KIF13A: variants seen among roughly 807,000 people sequenced by gnomAD.
KIF13A encodes the protein kinesin family member 13A, also known as kinesin-like protein KIF13A.
KIF13A carries 79 observed loss-of-function variants against 212.2 expected under a neutral mutation model. The observed-to-expected ratio is 0.37, with a 90% CI of 0.31 to 0.45. The LOEUF (loss-of-function observed/expected upper bound fraction) is 0.45. Ranked by LOEUF, KIF13A falls within the 20% of genes least tolerant of loss-of-function variation. KIF13A has a pLI of 1.00. For synonymous variants in KIF13A, 789 were observed against 808.6 expected (o/e 0.98, Z 0.41); for missense variants, 1,901 against 2,209.0 (o/e 0.86, Z 2.79).
intron 18 of KIF13A, among the ~76,000 whole-genome samples, chr6:17,806,821 G>A (rs1401606735): frequency 6.6e-6 from 1 of 152,202 alleles, no homozygotes; most frequent in Non-Finnish European, 1.5e-5. Flanking sequence ...GGAGGTTGTA[G>A]TGAGCCAAGA....
Position 17,786,323 on chromosome 6 carries a change from G to C in KIF13A, c.3362-682C>G, listed in dbSNP as rs1761050835. Among the ~76,000 whole-genome samples, 1 of 152,152 alleles carries C rather than the reference G, an allele frequency of 6.6e-6. No individual in the cohort carries two copies. Among genetic ancestry groups the C allele is most frequent in the African/African-American group, 2.4e-5 (1 of 41,432 alleles). On this transcript the variant is annotated intron_variant, in intron 27 of 38. Coordinates refer to ENST00000259711, the MANE Select transcript of KIF13A (RefSeq NM_022113.6). The surrounding 1 kb of genome is among the most constrained non-coding windows in gnomAD (Gnocchi z 5.4). Reference sequence around the variant, plus strand: ...AGGATTAAAAAACACCATAGGCCGGGCACGGTGGCTCACGGCTGTAACCCC... The same window carrying C: ...AGGATTAAAAAACACCATAGGCCGGCCACGGTGGCTCACGGCTGTAACCCC...
chr6:17,917,749 T>C (rs1774671742), intron 2 of KIF13A, among the ~76,000 whole-genome samples: 1 of 152,142 alleles, frequency 6.6e-6, no homozygotes. Context: ...CAAATAAATT[T>C]CCTATCATTT....
chr6:17,901,645 T>C (rs991030478), intron 2 of KIF13A, among the ~76,000 whole-genome samples: 8 of 152,222 alleles, frequency 5.3e-5, no homozygotes, highest in Non-Finnish European at 7.3e-5. Flanking sequence ...TTTCCCTTCA[T>C]GCCCCTTCAG....
At chr6:17,820,021 T>C (rs1195257015) in intron 16 of KIF13A, among the ~76,000 whole-genome samples, 2 of 151,980 alleles carry the variant, frequency 1.3e-5, no homozygotes, top group Non-Finnish European at 2.9e-5. Flanking sequence ...TACGAGATAC[T>C]GAATAAGATA....
chr6:17,985,692 T>C (rs1781499312), intron 2 of KIF13A, among the ~76,000 whole-genome samples: 1 of 149,630 alleles, frequency 6.7e-6, no homozygotes, highest in Non-Finnish European at 1.5e-5. Flanking sequence ...AATCTGTAAA[T>C]ATTTAATGTA....
chr6:17,939,646 A>G (rs540159758), intron 2 of KIF13A, among the ~76,000 whole-genome samples: 1 of 152,340 alleles, frequency 6.6e-6, no homozygotes, highest in South Asian at 2.1e-4. Context: ...ATAAAACAGC[A>G]TGAGGTAAAG....
chr6:17,880,685 T>C (rs570713746), intron 3 of KIF13A, among the ~76,000 whole-genome samples: 1 of 147,506 alleles, frequency 6.8e-6, no homozygotes, highest in African/African-American at 2.5e-5. Context: ...GAGACTGCAG[T>C]GGGGCTTGAG....
chr6:17,800,403 T>G (rs1762379706), intron 20 of KIF13A, among the ~76,000 whole-genome samples: 1 of 151,330 alleles, frequency 6.6e-6, no homozygotes, highest in Admixed American at 6.6e-5. Flanking sequence ...TAAAGGTAGC[T>G]CTCACATTTT....
intron 2 of KIF13A, among the ~76,000 whole-genome samples, chr6:17,949,342 G>A (rs1010106115): frequency 6.6e-6 from 1 of 152,202 alleles, no homozygotes; most frequent in Admixed American, 6.5e-5. Flanking sequence ...ATTTATTACA[G>A]TAACCACAAA....
At chr6:17,931,029 CCTTGCTGTT>C (rs1326769330) in intron 2 of KIF13A, among the ~76,000 whole-genome samples, 10 of 152,176 alleles carry the variant, frequency 6.6e-5, no homozygotes, top group Non-Finnish European at 1.3e-4. Context: ...TGCATAATAT[CCTTGCTGTT>C]CTTTCATGGG....
At chr6:17,861,267 T>C (rs990754199) in intron 4 of KIF13A, among the ~76,000 whole-genome samples, 1 of 152,202 alleles carries the variant, frequency 6.6e-6, no homozygotes, top group African/African-American at 2.4e-5. Context: ...GAGACTGGAA[T>C]ACATTTTATT....
chr6:17,849,561 A>G lies in KIF13A; in HGVS notation c.718-72T>C. 1.9e-6 allele frequency: 2 copies of G among 1,080,172 alleles called. No homozygotes were observed. Among genetic ancestry groups the G allele is most frequent in the East Asian group, 2.5e-5 (1 of 39,518 alleles). The allele number at this position is 1,080,172 out of a possible 1,614,324, so 66.9% of individuals were successfully genotyped here. A position where few individuals can be genotyped will look rare whatever the true frequency, so the allele number is the denominator to read the frequency against. Reference sequence around the variant, plus strand: ...CCACATGGATATCTACATATATGTTAGCACTATAATTGAGCAATCCATCCC... The same window carrying G: ...CCACATGGATATCTACATATATGTTGGCACTATAATTGAGCAATCCATCCC... On this transcript the variant is annotated intron_variant, in intron 8 of 38. Coordinates refer to ENST00000259711, the MANE Select transcript of KIF13A (RefSeq NM_022113.6). This position sits in a 1 kb window ranked among gnomAD's most constrained non-coding sequence, Gnocchi z 5.7.
At chr6:17,913,644 G>A (rs1301480961) in intron 2 of KIF13A, among the ~76,000 whole-genome samples, 2 of 152,130 alleles carry the variant, frequency 1.3e-5, no homozygotes, top group East Asian at 3.9e-4. Flanking sequence ...GGAGGGGATG[G>A]TGAACTCAGC....
chr6:17,804,013 A>C (rs555970344), intron 20 of KIF13A, among the ~76,000 whole-genome samples: 1 of 152,162 alleles, frequency 6.6e-6, no homozygotes, highest in Non-Finnish European at 1.5e-5. Flanking sequence ...TTAGCCCGAT[A>C]TGGTGGTGGG....
At chr6:17,949,580 A>G (rs866322293) in intron 2 of KIF13A, among the ~76,000 whole-genome samples, 2 of 152,180 alleles carry the variant, frequency 1.3e-5, no homozygotes, top group African/African-American at 4.8e-5. Context: ...ACATACTTCT[A>G]AACAACATCA....
downstream of KIF13A, chr6:17,759,583 G>A (rs1758498193): frequency 6.6e-6 from 1 of 152,108 alleles, no homozygotes; most frequent in South Asian, 2.1e-4. Flanking sequence ...TACAGAATAG[G>A]TACAGAAAGG....
At chr6:17,819,493 C>T (rs1477984313) in intron 16 of KIF13A, among the ~76,000 whole-genome samples, 1 of 151,802 alleles carries the variant, frequency 6.6e-6, no homozygotes, top group Admixed American at 6.6e-5. Flanking sequence ...AACCCAGAGG[C>T]GGAGGTTGTA....
chr6:17,842,000 CGTGTGTGTGTGTGT>C (rs56396263), intron 9 of KIF13A, among the ~76,000 whole-genome samples: 5 of 143,822 alleles, frequency 3.5e-5, no homozygotes, highest in South Asian at 2.2e-4. Flanking sequence ...TATACACATA[CGTGTGTGTGTGTGT>C]GTGTGTGTGT....
In KIF13A at chr6:17,764,059, C is replaced by T; in HGVS notation, c.*51G>A. ...CAAACAACTGGATGAATCTTTCCTA[C>T]CAAGTTGTTGCGGTGAAGGGCCTCT... On this transcript the variant is annotated 3_prime_UTR_variant, in exon 39 of 39. Transcript: ENST00000259711. The surrounding 1 kb of genome is among the most constrained non-coding windows in gnomAD (Gnocchi z 5.1). 1 of 1,566,640 alleles carries T rather than the reference C, an allele frequency of 6.4e-7. No homozygotes were observed. The highest frequency in any genetic ancestry group is 8.7e-7 in the Non-Finnish European group (1 of 1,155,912).
Sources: gnomAD v4.1 joint callset for allele counts (sites outside exome capture counted in the v4.1 genomes callset) on GRCh38, gnomAD v4.1.1 for gene constraint, Gnocchi (gnomAD v3.1) non-coding constraint, MANE v1.5 for transcripts, NCBI Gene and HGNC (gene_info 2026-07-23, HGNC 2026-07-21) for gene names.